The following EGFLAM variants were observed in gnomAD, a reference collection of about 807,000 sequenced individuals.
EGFLAM encodes the protein EGF like, fibronectin type III and laminin G domains, also known as pikachurin.
EGFLAM carries 79 observed loss-of-function variants against 113.1 expected under a neutral mutation model. The observed-to-expected ratio is 0.70, with a 90% confidence interval of 0.58 to 0.84. EGFLAM has a LOEUF of 0.84. EGFLAM is among the 40% of genes least tolerant of loss of function. The pLI, the probability that EGFLAM is intolerant of heterozygous loss-of-function variation, is 0.00. For synonymous variants in EGFLAM, 504 were observed against 487.6 expected (o/e 1.03, Z -0.44); for missense variants, 1,265 against 1,291.6 (o/e 0.98, Z 0.32).
chr5:38,362,218 G>A (rs748028230), intron 5 of EGFLAM, among the ~76,000 whole-genome samples: 4 of 152,144 alleles, frequency 2.6e-5, no homozygotes, highest in Admixed American at 2.0e-4. Flanking sequence ...ATGTGGTAAA[G>A]CTTCAAATAA....
Position 38,337,610 on chromosome 5 carries a change from G to A in EGFLAM, c.188G>A (p.Ser63Asn). 1 of 1,602,834 alleles carries A rather than the reference G, an allele frequency of 6.2e-7. No homozygotes were observed. Among genetic ancestry groups the A allele is most frequent in the East Asian group, 2.2e-5 (1 of 44,666 alleles). The stretch of plus-strand genomic sequence containing the variant: ...TGGAAAATGCCAAGGCATCCTGGAA[G>A]TCCCATCCTTGGGTACACTGTGAGT... ...IQWKMPRHPGSPILGYTVFYS... is the reference protein window; with the variant it reads ...IQWKMPRHPGNPILGYTVFYS... The change falls in exon 2 of 22, where the codon AGT becomes AAT. Residue 63 changes from serine (S) to asparagine (N), a missense_variant. Ser to Asn is a conservative substitution (Grantham distance 46). Coordinates refer to ENST00000322350, the MANE Select transcript of EGFLAM (RefSeq NM_152403.4).
chr5:38,363,300 C>T (rs1739976062), intron 5 of EGFLAM, among the ~76,000 whole-genome samples: 1 of 152,138 alleles, frequency 6.6e-6, no homozygotes, highest in Admixed American at 6.5e-5. Context: ...CATCTCTTCT[C>T]TTAGAGCAGG....
intron 3 of EGFLAM, among the ~76,000 whole-genome samples, chr5:38,342,462 C>G (rs185269317): frequency 4.6e-5 from 7 of 152,262 alleles, no homozygotes; most frequent in Admixed American, 3.3e-4. Flanking sequence ...GGATTGAATG[C>G]TAAACCGGGG....
At chr5:38,381,292 T>C (rs529350054) in intron 6 of EGFLAM, among the ~76,000 whole-genome samples, 1 of 152,304 alleles carries the variant, frequency 6.6e-6, no homozygotes, top group East Asian at 1.9e-4. Context: ...GTTTCAGTTC[T>C]TTGATGGGAG....
chr5:38,301,957 AGGCCAGGGGCGGT>A lies in EGFLAM; in HGVS notation c.98-35559_98-35547del, dbSNP rs1184160272. 2.0e-5 allele frequency among the ~76,000 whole-genome samples: 3 copies of A among 152,212 alleles called. No individual in the cohort carries two copies. In the East Asian group the frequency reaches 5.8e-4, roughly 29 times the overall value. ...CTTAATCTTGTGACAGGAGGAGATC[AGGCCAGGGGCGGT>A]GGCTCACACCTGTAATCCCAGCACT... On this transcript the variant is annotated intron_variant, in intron 1 of 21. Coordinates refer to ENST00000322350, the MANE Select transcript of EGFLAM (RefSeq NM_152403.4).
intron 6 of EGFLAM, among the ~76,000 whole-genome samples, chr5:38,398,882 TGGGTATTA>T (rs1490909956): frequency 6.6e-6 from 1 of 152,248 alleles, no homozygotes; most frequent in East Asian, 1.9e-4. Context: ...CTTATTCTGG[TGGGTATTA>T]GGGTTTTGAA....
intron 1 of EGFLAM, among the ~76,000 whole-genome samples, chr5:38,316,614 G>C (rs1738602456): frequency 6.6e-6 from 1 of 151,946 alleles, no homozygotes; most frequent in African/African-American, 2.4e-5. Context: ...TTGTGATTTT[G>C]GCAATTTTTG....
At chr5:38,300,807 C>A (rs1758558210) in intron 1 of EGFLAM, among the ~76,000 whole-genome samples, 1 of 152,158 alleles carries the variant, frequency 6.6e-6, no homozygotes, top group Non-Finnish European at 1.5e-5. Flanking sequence ...TTGTAGCAAG[C>A]AGCAGAGGTG....
intron 1 of EGFLAM, among the ~76,000 whole-genome samples, chr5:38,313,591 C>G (rs1236211274): frequency 2.0e-5 from 3 of 152,216 alleles, no homozygotes; most frequent in South Asian, 2.1e-4. Context: ...TAATTACTTT[C>G]TAAAAGAGTT....
At chr5:38,283,285 G>T (rs1212866483) in intron 1 of EGFLAM, among the ~76,000 whole-genome samples, 3 of 152,098 alleles carry the variant, frequency 2.0e-5, no homozygotes, top group South Asian at 2.1e-4. Flanking sequence ...GGAGGGGGAG[G>T]GGGGAAAAGC....
intron 1 of EGFLAM, among the ~76,000 whole-genome samples, chr5:38,266,229 T>C (rs1015810122): frequency 4.6e-5 from 7 of 152,170 alleles, no homozygotes; most frequent in South Asian, 2.1e-4. Context: ...CAGGAAGGCT[T>C]GGGTAAGAGC....
In EGFLAM at chr5:38,427,154, C is replaced by T. The variant is rs773908139; in HGVS notation, c.1956C>T (p.Tyr652=). Residue 652 remains tyrosine, a synonymous_variant, in exon 14 of 22, where the codon TAC becomes TAT. Transcript: ENST00000322350. ...ACTCAGGAGATGGTGTCCTCCTGTA[C>T]AGCTATGACACAGGCAGCAAAGACT... The part of the protein sequence containing the change: ...RPDSGDGVLL[Y]SYDTGSKDFL... 3 of 1,614,158 alleles carry T rather than the reference C, an allele frequency of 1.9e-6. No homozygotes were observed. The highest frequency in any genetic ancestry group is 2.2e-5 in the East Asian group (1 of 44,888).
chr5:38,297,390 A>C (rs772496580), intron 1 of EGFLAM, among the ~76,000 whole-genome samples: 12 of 152,350 alleles, frequency 7.9e-5, no homozygotes, highest in Middle Eastern at 3.4e-3. Flanking sequence ...TTTGGGCCAA[A>C]TAAAGGCCAT....
chr5:38,295,628 G>C (rs1168141415), intron 1 of EGFLAM, among the ~76,000 whole-genome samples: 2 of 152,078 alleles, frequency 1.3e-5, no homozygotes, highest in Non-Finnish European at 1.5e-5. Flanking sequence ...AGAATGGATA[G>C]GTAGACCTTG....
intron 19 of EGFLAM, among the ~76,000 whole-genome samples, chr5:38,457,259 A>T (rs969090812): frequency 1.3e-5 from 2 of 152,116 alleles, no homozygotes. Flanking sequence ...AGATGCATTC[A>T]TTTCTTAGGG....
chr5:38,405,082 T>A (rs1004329585), intron 6 of EGFLAM, among the ~76,000 whole-genome samples: 5 of 152,178 alleles, frequency 3.3e-5, no homozygotes, highest in African/African-American at 9.6e-5. Context: ...CAAGATACCT[T>A]ATAGGGCCCC....
chr5:38,261,212 T>G (rs759331094), intron 1 of EGFLAM, among the ~76,000 whole-genome samples: 3 of 152,228 alleles, frequency 2.0e-5, no homozygotes, highest in Non-Finnish European at 2.9e-5. Flanking sequence ...TAGTTTGGGT[T>G]CAACACAAGC....
intron 14 of EGFLAM, among the ~76,000 whole-genome samples, chr5:38,427,950 A>G (rs1280526567): frequency 1.2e-4 from 18 of 152,278 alleles, no homozygotes; most frequent in South Asian, 2.1e-4. Flanking sequence ...TAGCAGGTCG[A>G]TTGTTCCTTG....
chr5:38,347,601 C>G (rs773670119), intron 3 of EGFLAM, among the ~76,000 whole-genome samples: 7 of 152,016 alleles, frequency 4.6e-5, no homozygotes, highest in Non-Finnish European at 8.8e-5. Flanking sequence ...GTAGAGGGAG[C>G]AGCAGGTTCA....
Sources: gnomAD v4.1 joint callset for allele counts (sites outside exome capture counted in the v4.1 genomes callset) on GRCh38, gnomAD v4.1.1 for gene constraint, MANE v1.5 for transcripts, NCBI Gene and HGNC (gene_info 2026-07-23, HGNC 2026-07-21) for gene names.